Variants in PTPRD observed in about 807,000 individuals in gnomAD.
PTPRD encodes receptor-type tyrosine-protein phosphatase delta.
A neutral mutation model predicts 214.5 loss-of-function variants in PTPRD; 34 were observed. The observed-to-expected ratio is 0.16, with a 90% CI of 0.12 to 0.21. PTPRD has a LOEUF of 0.21. PTPRD is among the 10% of genes least tolerant of loss of function. The pLI is 1.00. For synonymous variants in PTPRD, 1,128 were observed against 845.7 expected, an observed-to-expected ratio of 1.33 and a Z score of -5.79; for missense variants, 2,545 against 2,398.7, an observed-to-expected ratio of 1.06 and a Z score of -1.27.
At chr9:10,137,709 A>G (rs2098952691) in intron 3 of PTPRD, among the ~76,000 whole-genome samples, 1 of 85,674 alleles carries the variant, frequency 1.2e-5, no homozygotes. Context: ...AATAAAAAAA[A>G]AAAAAAAAAA....
At chr9:9,696,436 C>T (rs1458179660) in intron 7 of PTPRD, among the ~76,000 whole-genome samples, 2 of 151,948 alleles carry the variant, frequency 1.3e-5, no homozygotes, top group Non-Finnish European at 2.9e-5. Flanking sequence ...TGCAGTCTAG[C>T]TCTCCTTTTA....
intron 27 of PTPRD, among the ~76,000 whole-genome samples, chr9:8,487,646 A>T (rs1262585621): frequency 6.6e-6 from 1 of 152,138 alleles, no homozygotes; most frequent in Non-Finnish European, 1.5e-5. Context: ...CCCTGTCTCT[A>T]CAAAAAACAC....
intron 11 of PTPRD, among the ~76,000 whole-genome samples, chr9:8,737,770 C>T (rs1197179233): frequency 6.6e-6 from 1 of 152,188 alleles, no homozygotes; most frequent in African/African-American, 2.4e-5. Context: ...CCTGCCTCAG[C>T]CTCCTGAGTG....
rs559453388 is a variant in PTPRD at position 9,828,109 on chromosome 9, A to T, written c.-367-61258T>A. Among the ~76,000 whole-genome samples the T allele has an allele frequency of 2.6e-4, 40 of 152,252 alleles. 1 individual carries two copies. The highest frequency in any genetic ancestry group is 7.9e-4 in the African/African-American group (33 of 41,560). ...AAGTCAGTGTGGCGATTCCTCAGGGATCTAGAACTAGAAATAACATTTGAC... is the reference window on the plus strand; with the variant it reads ...AAGTCAGTGTGGCGATTCCTCAGGGTTCTAGAACTAGAAATAACATTTGAC... On this transcript the variant is annotated intron_variant, in intron 5 of 45. Coordinates refer to ENST00000381196, the MANE Select transcript of PTPRD (RefSeq NM_002839.4).
chr9:9,264,250 T>G (rs7469266), intron 9 of PTPRD, among the ~76,000 whole-genome samples: 2 of 151,552 alleles, frequency 1.3e-5, no homozygotes, highest in African/African-American at 2.4e-5. Flanking sequence ...TTCAAAATAA[T>G]TGTTTTAAGG....
At chr9:9,457,016 C>T (rs535119741) in intron 8 of PTPRD, among the ~76,000 whole-genome samples, 1 of 151,996 alleles carries the variant, frequency 6.6e-6, no homozygotes, top group South Asian at 2.1e-4. Context: ...AAATGGCATG[C>T]CCAGTCATAG....
At chr9:8,328,552 A>C (rs567697327) in intron 44 of PTPRD, among the ~76,000 whole-genome samples, 4 of 152,120 alleles carry the variant, frequency 2.6e-5, no homozygotes, top group Non-Finnish European at 5.9e-5. Context: ...TATTTCCTGA[A>C]TTTGAATGTT....
intron 9 of PTPRD, among the ~76,000 whole-genome samples, chr9:9,363,665 T>G (rs1296556135): frequency 4.6e-5 from 7 of 151,268 alleles, no homozygotes; most frequent in Non-Finnish European, 1.0e-4. Context: ...ATAGGCAGTG[T>G]GTGGGGCCTG....
Position 8,540,204 on chromosome 9 carries a change from T to C in PTPRD, c.353-11425A>G, listed in dbSNP as rs72694797. On this transcript the variant is annotated intron_variant, in intron 14 of 45. Coordinates refer to ENST00000381196, the MANE Select transcript of PTPRD (RefSeq NM_002839.4). ...TAATTAATTCATATTATCAGAAATA[T>C]ATAGACTTATTCCCAAAGCATCTGG... Among the ~76,000 whole-genome samples the C allele has an allele frequency of 3.5e-3, 536 of 152,256 alleles. 1 individual carries two copies. Among genetic ancestry groups the C allele is most frequent in the African/African-American group, 4.6e-3 (190 of 41,574 alleles).
intron 2 of PTPRD, among the ~76,000 whole-genome samples, chr9:10,522,758 G>A (rs1590019789): frequency 6.6e-6 from 1 of 151,808 alleles, no homozygotes; most frequent in South Asian, 2.1e-4. Flanking sequence ...GAAACTGAGG[G>A]TTCTTTCAGT....
chr9:9,711,623 G>A (rs1039915769), intron 7 of PTPRD, among the ~76,000 whole-genome samples: 41 of 152,188 alleles, frequency 2.7e-4, no homozygotes, highest in African/African-American at 9.6e-4. Context: ...TCTCAACAAA[G>A]GGTAAACTTA....
chr9:9,068,794 C>T (rs536687030), intron 10 of PTPRD, among the ~76,000 whole-genome samples: 57 of 151,956 alleles, frequency 3.8e-4, no homozygotes, highest in African/African-American at 1.2e-3. Flanking sequence ...GTATTTTTAG[C>T]AGAGATGGGG....
intron 12 of PTPRD, among the ~76,000 whole-genome samples, chr9:8,705,528 TG>T (rs1308287544): frequency 2.0e-5 from 3 of 152,228 alleles, no homozygotes; most frequent in Non-Finnish European, 2.9e-5. Flanking sequence ...CCTGATTACT[TG>T]GGAACATCAT....
chr9:9,032,703 G>A (rs1208593542), intron 10 of PTPRD, among the ~76,000 whole-genome samples: 1 of 152,046 alleles, frequency 6.6e-6, no homozygotes, highest in African/African-American at 2.4e-5. Flanking sequence ...GTTCAGACAA[G>A]GTTTGCATCC....
intron 23 of PTPRD, among the ~76,000 whole-genome samples, chr9:8,503,614 C>G (rs2097467940): frequency 6.6e-6 from 1 of 152,142 alleles, no homozygotes; most frequent in South Asian, 2.1e-4. Flanking sequence ...TTAAGGGTAA[C>G]AGCTCCAAAA....
intron 11 of PTPRD, among the ~76,000 whole-genome samples, chr9:8,909,287 C>A (rs2098730447): frequency 6.6e-6 from 1 of 152,002 alleles, no homozygotes; most frequent in South Asian, 2.1e-4. Context: ...GATACCAGAA[C>A]CAAACAAAGA....
chr9:8,460,078 A>C lies in PTPRD; in HGVS notation c.3875+333T>G, dbSNP rs7030432. ...GCAATTAATTATCTAAAACAATCAA[A>C]TGAAAGCTTGCATGGAATTATTTGC... On this transcript the variant is annotated intron_variant, in intron 33 of 45. Transcript: ENST00000381196. Among the ~76,000 whole-genome samples, 523 of 152,280 alleles carry C rather than the reference A, an allele frequency of 3.4e-3. 3 individuals are homozygous for C. The highest frequency in any genetic ancestry group is 0.012 in the African/African-American group (503 of 41,572).
rs183515125 is a variant in PTPRD at position 8,788,001 on chromosome 9, G to C, written c.-103-54055C>G. On this transcript the variant is annotated intron_variant, in intron 11 of 45. Coordinates refer to ENST00000381196, the MANE Select transcript of PTPRD (RefSeq NM_002839.4). ...GCTAACTTTGAGAAGTAAAAGATTT[G>C]CTAACTTTGAGAAGTAAATGAATCC... Among the ~76,000 whole-genome samples, 43 of 152,162 alleles carry C rather than the reference G, an allele frequency of 2.8e-4. 1 individual carries two copies. The highest frequency in any genetic ancestry group is 2.5e-3 in the Admixed American group (38 of 15,278).
chr9:8,425,405 G>C (rs2131830831), intron 35 of PTPRD, among the ~76,000 whole-genome samples: 1 of 151,916 alleles, frequency 6.6e-6, no homozygotes, highest in Middle Eastern at 3.4e-3. Context: ...GACCTTTCAA[G>C]GGTGTAATCA....
Sources: allele counts gnomAD v4.1 joint callset (sites outside exome capture counted in the v4.1 genomes callset), GRCh38; gene constraint gnomAD v4.1.1; transcripts MANE v1.5; gene names NCBI Gene and HGNC (gene_info 2026-07-23, HGNC 2026-07-21).